PPP3CB: variants seen among roughly 807,000 people sequenced by gnomAD.
PPP3CB encodes protein phosphatase 3 catalytic subunit beta.
In PPP3CB, 8 loss-of-function variants were observed where a neutral mutation model predicts 66.4. The observed-to-expected ratio is 0.12, with a 90% CI of 0.07 to 0.22. The LOEUF (loss-of-function observed/expected upper bound fraction) is 0.22, where lower values mean the gene tolerates loss of function less well. PPP3CB is among the 10% of genes least tolerant of loss of function. The pLI is 1.00. For missense variants in PPP3CB, 319 were observed against 642.5 expected, an observed-to-expected ratio of 0.50 and a Z score of 5.44; for synonymous variants, 208 against 221.2, an observed-to-expected ratio of 0.94 and a Z score of 0.53.
chr10:73,471,261 T>A (rs2056697497), intron 5 of PPP3CB, 52 bp from the exon 6 acceptor site: 1 of 1,523,080 alleles, frequency 6.6e-7, no homozygotes, highest in Admixed American at 2.0e-5. Flanking sequence ...AAAGTAAGGA[T>A]AAAATGTGCA....
chr10:73,467,670 A>G lies in PPP3CB; in HGVS notation c.991T>C (p.Leu331=). Residue 331 remains leucine, a synonymous_variant, in exon 9 of 14, where the codon TTA becomes CTA. Coordinates refer to ENST00000360663, the MANE Select transcript of PPP3CB (RefSeq NM_021132.4). ...TTCATCACATTATTTTCATACTTTA[A>G]TACAGCAGCTGCAAGATAAGTTGAA... is the stretch of plus-strand genomic sequence containing the variant. ...LDVYNNKAAV[L]KYENNVMNIR... The G allele has an allele frequency of 6.4e-7, 1 of 1,554,010 alleles. No individual in the cohort carries two copies. The highest frequency in any genetic ancestry group is 1.9e-5 in the Admixed American group (1 of 51,556).
chr10:73,471,695 T>C, intron 4 of PPP3CB, 82 bp from the exon 5 acceptor site: 1 of 1,112,766 alleles, frequency 9.0e-7, no homozygotes, highest in East Asian at 2.6e-5. Flanking sequence ...TAGATTTTTA[T>C]TTCTTGTTCT....
Position 73,482,662 on chromosome 10 carries a change from G to A in PPP3CB, c.86-3145C>T, listed in dbSNP as rs190903523. ...GACAGAGTCTCATTCTTGTCTCCCAGGCTGGAATGCAGTGGCGAGATCTCG... is the reference window on the plus strand; with the variant it reads ...GACAGAGTCTCATTCTTGTCTCCCAAGCTGGAATGCAGTGGCGAGATCTCG... On this transcript the variant is annotated intron_variant, in intron 1 of 13. Transcript: ENST00000360663. Among the ~76,000 whole-genome samples the A allele has an allele frequency of 1.7e-3, 250 of 151,474 alleles. 1 individual carries two copies. Among genetic ancestry groups the A allele is most frequent in the African/African-American group, 5.8e-3 (241 of 41,314 alleles).
intron 10 of PPP3CB, among the ~76,000 whole-genome samples, chr10:73,452,929 T>C (rs1360556003): frequency 1.3e-5 from 2 of 152,156 alleles, no homozygotes; most frequent in African/African-American, 4.8e-5. Flanking sequence ...ATCAAACCTG[T>C]TTGTAAGTAA....
intron 12 of PPP3CB, among the ~76,000 whole-genome samples, chr10:73,443,324 G>GAA (rs1394961200): frequency 2.9e-5 from 4 of 136,954 alleles, no homozygotes; most frequent in Non-Finnish European, 4.7e-5. Context: ...AAGAAAGAAA[G>GAA]AAAGAAAAAG....
rs565515637 is a variant in PPP3CB, at chr10:73,471,447, G to A, written c.669+21C>T. On this transcript the variant is annotated intron_variant, in intron 5 of 13. Transcript: ENST00000360663. ...TGTACTATAAATAGAAATCAATCTC[G>A]GAAGTAAAATATATACTTACTCTCC... 54 of 1,577,114 alleles carry A rather than the reference G, an allele frequency of 3.4e-5. 1 individual carries two copies. The highest frequency in any genetic ancestry group is 2.5e-4 in the South Asian group (21 of 85,126).
chr10:73,472,446 A>G (rs1361632781), intron 4 of PPP3CB, among the ~76,000 whole-genome samples: 7 of 151,542 alleles, frequency 4.6e-5, no homozygotes, highest in Non-Finnish European at 8.8e-5. Context: ...GTGGGCCGAG[A>G]TCGTGCCACT....
At chr10:73,478,259 CT>C (rs140784285) in intron 3 of PPP3CB, among the ~76,000 whole-genome samples, 14 of 152,226 alleles carry the variant, frequency 9.2e-5, no homozygotes, top group African/African-American at 3.4e-4. Context: ...CCTCAGTCAG[CT>C]CATAAATTCC....
In PPP3CB at chr10:73,495,570, G is replaced by C. The variant is rs762872731; in HGVS notation, c.85+235C>G. The C allele has an allele frequency of 3.6e-4, 146 of 410,556 alleles. 1 individual carries two copies. The highest frequency in any genetic ancestry group is 8.6e-4 in the South Asian group (24 of 27,902). The allele number at this position is 410,556 out of a possible 1,614,324, so 25.4% of individuals were successfully genotyped here. On this transcript the variant is annotated intron_variant, in intron 1 of 13. Coordinates refer to ENST00000360663, the MANE Select transcript of PPP3CB (RefSeq NM_021132.4). ...CTAACAGCCTCACCCCTTGGGCTAGGAAGCCACGGAAGCAAAACCTCCGCC... is the reference window on the plus strand; with the variant it reads ...CTAACAGCCTCACCCCTTGGGCTAGCAAGCCACGGAAGCAAAACCTCCGCC...
intron 10 of PPP3CB, 31 bp from the exon 11 acceptor site, chr10:73,446,604 G>C (rs1261451481): frequency 6.3e-7 from 1 of 1,591,890 alleles, no homozygotes. Flanking sequence ...AGAGAGAAAG[G>C]CTCAAGTTTA....
At chr10:73,475,864 T>A (rs955988068) in intron 3 of PPP3CB, among the ~76,000 whole-genome samples, 1 of 152,180 alleles carries the variant, frequency 6.6e-6, no homozygotes, top group Admixed American at 6.5e-5. Flanking sequence ...AAAAACAAAC[T>A]TTTTTATTTT....
At chr10:73,450,901 A>G (rs571472299) in intron 10 of PPP3CB, among the ~76,000 whole-genome samples, 1 of 152,264 alleles carries the variant, frequency 6.6e-6, no homozygotes, top group East Asian at 1.9e-4. Flanking sequence ...AATTCAATTC[A>G]TCCCTGGAAT....
At chr10:73,458,867 T>C (rs535826597) in intron 9 of PPP3CB, among the ~76,000 whole-genome samples, 1 of 150,644 alleles carries the variant, frequency 6.6e-6, no homozygotes, top group African/African-American at 2.4e-5. Flanking sequence ...GTCAAGAGTT[T>C]GAGACCAGCC....
rs116263326 is a variant in PPP3CB at position 73,461,623 on chromosome 10, T to C, written c.1108+5930A>G. Among the ~76,000 whole-genome samples the C allele has an allele frequency of 5.3e-3, 804 of 152,266 alleles. 7 individuals carry two copies. Among genetic ancestry groups the C allele is most frequent in the African/African-American group, 0.019 (776 of 41,558 alleles). ...ATTTGTCTTTGATTTTACAGGTTCA[T>C]AGGTAGAAGGAACTAGGCTTGAGTC... is the stretch of plus-strand genomic sequence containing the variant. On this transcript the variant is annotated intron_variant, in intron 9 of 13. Transcript: ENST00000360663.
chr10:73,451,582 A>G (rs1173037002), intron 10 of PPP3CB, among the ~76,000 whole-genome samples: 1 of 148,256 alleles, frequency 6.7e-6, no homozygotes, highest in African/African-American at 2.6e-5. Context: ...AAAGAAAGAG[A>G]AAGGAAGAAG....
intron 12 of PPP3CB, 148 bp downstream of exon 12, chr10:73,444,577 G>A: frequency 1.3e-6 from 2 of 1,551,654 alleles, no homozygotes; most frequent in Non-Finnish European, 1.7e-6. Context: ...TGAGACACTA[G>A]CTAATACAGT....
chr10:73,495,838 G>A lies in PPP3CB; in HGVS notation c.52C>T (p.Pro18Ser). ...ACGCGGTCAGCCCCGGGAGGGGGCGGCGGGGGCGGGGGTGGGGGCGGTGCA... is the reference window on the plus strand; with the variant it reads ...ACGCGGTCAGCCCCGGGAGGGGGCGACGGGGGCGGGGGTGGGGGCGGTGCA... ...RAAPPPPPPPPPPPGADRVVK... is the reference protein window; with the variant it reads ...RAAPPPPPPPSPPPGADRVVK... Residue 18 changes from proline to serine, a missense_variant, in exon 1 of 14, where the codon CCG (proline) becomes TCG (serine). Pro to Ser is a moderately conservative substitution (Grantham distance 74). Around this residue, in one of 5 missense-constraint regions of PPP3CB, gnomAD observed 104 missense variants for 128.4 expected, o/e 0.81. Transcript: ENST00000360663. 1.3e-6 allele frequency: 2 copies of A among 1,483,956 alleles called. No individual in the cohort carries two copies. The highest frequency in any genetic ancestry group is 1.3e-5 in the South Asian group (1 of 79,772). 91.9% of individuals were successfully genotyped at this position (1,483,956 alleles called of 1,614,324 possible). A position where few individuals can be genotyped will look rare whatever the true frequency, so the allele number is the denominator to read the frequency against.
At chr10:73,487,838 G>A (rs1315179786) in intron 1 of PPP3CB, among the ~76,000 whole-genome samples, 1 of 149,744 alleles carries the variant, frequency 6.7e-6, no homozygotes, top group Admixed American at 6.7e-5. Context: ...GGAGTGCAAT[G>A]GTGAGATCTC....
intron 12 of PPP3CB, among the ~76,000 whole-genome samples, chr10:73,440,903 C>A (rs1207996136): frequency 2.0e-5 from 3 of 152,122 alleles, no homozygotes; most frequent in Admixed American, 2.0e-4. Context: ...GTCAAAGATT[C>A]TTTTTTTCGC....
Sources: gnomAD v4.1 joint callset for allele counts (sites outside exome capture counted in the v4.1 genomes callset) on GRCh38, gnomAD v4.1.1 for gene constraint, gnomAD v4.1.1 regional missense constraint, MANE v1.5 for transcripts, NCBI Gene and HGNC (gene_info 2026-07-23, HGNC 2026-07-21) for gene names.